Variants in AGBL4 observed in about 807,000 individuals in gnomAD.
The protein encoded by AGBL4 is AGBL carboxypeptidase 4.
A neutral mutation model predicts 66.4 loss-of-function variants in AGBL4; 58 were observed. The ratio of observed to expected loss-of-function variants is 0.87; its 90% CI spans 0.71 to 1.09. The LOEUF (loss-of-function observed/expected upper bound fraction) is 1.09. Among genes scored for constraint, AGBL4 ranks in the 50% least tolerant of loss-of-function variants. The pLI, the probability that AGBL4 is intolerant of heterozygous loss-of-function variation, is 0.00. For missense variants in AGBL4, 579 were observed against 631.0 expected, an observed-to-expected ratio of 0.92 and a Z score of 0.88; for synonymous variants, 234 against 222.9, an observed-to-expected ratio of 1.05 and a Z score of -0.44.
intron 2 of AGBL4, among the ~76,000 whole-genome samples, chr1:49,810,519 A>C (rs1645074868): frequency 6.6e-6 from 1 of 152,108 alleles, no homozygotes; most frequent in African/African-American, 2.4e-5. Flanking sequence ...ATTTTATCAT[A>C]AGGTGAAGAC....
At chr1:49,649,304 T>TA (rs1199808574) in intron 3 of AGBL4, among the ~76,000 whole-genome samples, 3 of 152,132 alleles carry the variant, frequency 2.0e-5, no homozygotes, top group Non-Finnish European at 4.4e-5. Flanking sequence ...TGCCAATTTC[T>TA]AAAAATAAGA....
intron 3 of AGBL4, among the ~76,000 whole-genome samples, chr1:49,542,648 A>C (rs1421508421): frequency 2.6e-5 from 4 of 152,146 alleles, no homozygotes. Context: ...CTATAATTCC[A>C]GCACTTTGGG....
chr1:49,346,266 T>C (rs1015959815), intron 3 of AGBL4, among the ~76,000 whole-genome samples: 1 of 152,184 alleles, frequency 6.6e-6, no homozygotes, highest in Non-Finnish European at 1.5e-5. Flanking sequence ...GTTTTGTTTT[T>C]GTTTTCTGTC....
chr1:49,503,051 G>C (rs1453309097), intron 3 of AGBL4, among the ~76,000 whole-genome samples: 4 of 152,232 alleles, frequency 2.6e-5, no homozygotes, highest in African/African-American at 4.8e-5. Context: ...CACAGACCCA[G>C]GGGCCAAGGA....
At chr1:49,566,293 C>G (rs1425798597) in intron 3 of AGBL4, among the ~76,000 whole-genome samples, 3 of 152,170 alleles carry the variant, frequency 2.0e-5, no homozygotes, top group Admixed American at 2.0e-4. Context: ...GCCTTCTTCT[C>G]TCAATTCATC....
At chr1:50,023,689 C>A in intron 1 of AGBL4, 74 bp downstream of exon 1, 1 of 1,491,178 alleles carries the variant, frequency 6.7e-7, no homozygotes, top group Non-Finnish European at 9.0e-7. Context: ...GGACCATGCC[C>A]GAGTCCCCTG....
At chr1:49,961,582 C>A (rs1657122945) in intron 1 of AGBL4, among the ~76,000 whole-genome samples, 1 of 152,036 alleles carries the variant, frequency 6.6e-6, no homozygotes. Flanking sequence ...ACCATTACTG[C>A]TTCTACTATG....
At chr1:49,775,571 A>C (rs1455751978) in intron 2 of AGBL4, among the ~76,000 whole-genome samples, 1 of 152,084 alleles carries the variant, frequency 6.6e-6, no homozygotes, top group Non-Finnish European at 1.5e-5. Flanking sequence ...AGTTTTTTCT[A>C]ACAGGTCAAG....
At chr1:49,252,343 G>A (rs1242411201) in intron 3 of AGBL4, among the ~76,000 whole-genome samples, 1 of 151,990 alleles carries the variant, frequency 6.6e-6, no homozygotes, top group African/African-American at 2.4e-5. Context: ...AATAAGACAG[G>A]CGGACAAGAA....
Position 48,931,109 on chromosome 1 carries a change from A to G in AGBL4, c.595-63879T>C, listed in dbSNP as rs568407782. On this transcript the variant is annotated intron_variant, in intron 5 of 13. Coordinates refer to ENST00000371839, the MANE Select transcript of AGBL4 (RefSeq NM_032785.4). ...CCATCTCAATGATTTTTACTCAAAT[A>G]TTTCTCCAAATGGTTGCATAGGTAC... Among the ~76,000 whole-genome samples, 10 of 152,336 alleles carry G rather than the reference A, an allele frequency of 6.6e-5. No homozygotes were observed. In the South Asian group the frequency reaches 2.1e-3, roughly 32 times the overall value.
chr1:48,867,983 T>C (rs377339974), intron 5 of AGBL4, among the ~76,000 whole-genome samples: 1 of 152,260 alleles, frequency 6.6e-6, no homozygotes, highest in South Asian at 2.1e-4. Context: ...CTGGATGCCA[T>C]GAAAACCTGA....
At chr1:48,648,951 C>A (rs1570126057) in intron 8 of AGBL4, among the ~76,000 whole-genome samples, 1 of 152,224 alleles carries the variant, frequency 6.6e-6, no homozygotes, top group East Asian at 1.9e-4. Flanking sequence ...TTACTCTACA[C>A]TGGGCACTGT....
chr1:49,947,277 T>C (rs1409775517), intron 1 of AGBL4, among the ~76,000 whole-genome samples: 1 of 151,792 alleles, frequency 6.6e-6, no homozygotes, highest in Non-Finnish European at 1.5e-5. Flanking sequence ...CTAATGAACA[T>C]AGATGCAAAA....
intron 3 of AGBL4, among the ~76,000 whole-genome samples, chr1:49,610,211 A>G (rs1354509046): frequency 1.3e-5 from 2 of 152,180 alleles, no homozygotes; most frequent in African/African-American, 4.8e-5. Flanking sequence ...AGTGTCAGGA[A>G]TTTTCAAAGA....
intron 4 of AGBL4, among the ~76,000 whole-genome samples, chr1:49,065,621 T>G (rs1644478898): frequency 1.3e-5 from 2 of 152,204 alleles, no homozygotes; most frequent in African/African-American, 4.8e-5. Context: ...ATGCTCTACT[T>G]TCTCCAAAGT....
intron 3 of AGBL4, among the ~76,000 whole-genome samples, chr1:49,260,752 C>T (rs1435987364): frequency 6.6e-6 from 1 of 152,098 alleles, no homozygotes; most frequent in Non-Finnish European, 1.5e-5. Flanking sequence ...GGTACCATTC[C>T]TTCTGAAACT....
chr1:49,856,565 G>A (rs182876707), intron 1 of AGBL4, among the ~76,000 whole-genome samples: 1 of 152,036 alleles, frequency 6.6e-6, no homozygotes, highest in African/African-American at 2.4e-5. Context: ...ATACAAGGAC[G>A]GTTCAACATA....
chr1:49,381,133 T>A (rs1414161293), intron 3 of AGBL4, among the ~76,000 whole-genome samples: 1 of 151,620 alleles, frequency 6.6e-6, no homozygotes, highest in African/African-American at 2.4e-5. Context: ...TACAAAGAAC[T>A]CAAACAAATT....
chr1:49,438,295 A>C (rs1410690594), intron 3 of AGBL4, among the ~76,000 whole-genome samples: 1 of 152,234 alleles, frequency 6.6e-6, no homozygotes, highest in African/African-American at 2.4e-5. Flanking sequence ...AATAATCATT[A>C]AAATTAGGCT....
Sources: allele counts gnomAD v4.1 joint callset (sites outside exome capture counted in the v4.1 genomes callset), GRCh38; gene constraint gnomAD v4.1.1; transcripts MANE v1.5; gene names NCBI Gene and HGNC (gene_info 2026-07-23, HGNC 2026-07-21).